The following UTRN variants were observed in gnomAD, a reference collection of about 807,000 sequenced individuals.
UTRN encodes utrophin.
UTRN carries 283 observed loss-of-function variants against 463.9 expected under a neutral mutation model. That is an observed-to-expected ratio of 0.61 (90% CI 0.55 to 0.67). The LOEUF is 0.67. Ranked by LOEUF, UTRN falls within the 30% of genes least tolerant of loss-of-function variation. The pLI is 0.00. For synonymous variants in UTRN, 1,442 were observed against 1,431.5 expected, an observed-to-expected ratio of 1.01 and a Z score of -0.17; for missense variants, 3,922 against 4,084.3, an observed-to-expected ratio of 0.96 and a Z score of 1.08.
chr6:144,808,715 A>G (rs949367026), intron 65 of UTRN, among the ~76,000 whole-genome samples: 1 of 151,340 alleles, frequency 6.6e-6, no homozygotes, highest in African/African-American at 2.4e-5. Flanking sequence ...ACTCTGTGCT[A>G]CTATGAGCTT....
intron 33 of UTRN, among the ~76,000 whole-genome samples, chr6:144,497,319 G>A (rs549921131): frequency 6.6e-6 from 1 of 151,964 alleles, no homozygotes; most frequent in Non-Finnish European, 1.5e-5. Flanking sequence ...AGAGATGAAG[G>A]ATGACCCCTG....
chr6:144,632,301 T>C (rs1776610790), intron 51 of UTRN, among the ~76,000 whole-genome samples: 1 of 152,178 alleles, frequency 6.6e-6, no homozygotes, highest in Non-Finnish European at 1.5e-5. Flanking sequence ...ATTTTATAAA[T>C]ATACTGACAC....
At chr6:144,572,260 C>T (rs1466628360) in intron 50 of UTRN, among the ~76,000 whole-genome samples, 2 of 151,772 alleles carry the variant, frequency 1.3e-5, no homozygotes, top group African/African-American at 2.4e-5. Context: ...CTTTTTTATG[C>T]TTCTCATATC....
intron 69 of UTRN, 136 bp from the exon 70 acceptor site, chr6:144,835,644 G>C (rs9403616): frequency 0.12 from 125,759 of 1,050,982 alleles, 11,347 homozygotes; most frequent in East Asian, 0.48. Flanking sequence ...TTAAAAGGGA[G>C]GTCATGGAGA....
In UTRN at chr6:144,499,403, G is replaced by C. The variant is rs147417280; in HGVS notation, c.4740G>C (p.Leu1580Phe). 1.2e-6 allele frequency: 2 copies of C among 1,606,478 alleles called. No individual in the cohort carries two copies. The highest frequency in any genetic ancestry group is 2.7e-5 in the African/African-American group (2 of 74,752). The part of the protein sequence containing the change: ...KSTSEGLLGD[L>F]DTEISWAKNV... ...CTTCAGAAGGTCTGCTTGGTGACTT[G>C]GATACAGAAATTTCCTGGGCTAAAG... is the stretch of plus-strand genomic sequence containing the variant. Residue 1580 changes from leucine to phenylalanine, a missense_variant, in exon 34 of 75, where the codon TTG becomes TTC. Leu to Phe is a conservative substitution (Grantham distance 22). Coordinates refer to ENST00000367545, the MANE Select transcript of UTRN (RefSeq NM_007124.3).
At chr6:144,416,097 C>A (rs1190452254) in intron 3 of UTRN, among the ~76,000 whole-genome samples, 1 of 151,420 alleles carries the variant, frequency 6.6e-6, no homozygotes, top group Non-Finnish European at 1.5e-5. Flanking sequence ...TTGTGTGTGG[C>A]CTTTCTCCAG....
chr6:144,576,286 G>T (rs114904578), intron 50 of UTRN, among the ~76,000 whole-genome samples: 1 of 151,998 alleles, frequency 6.6e-6, no homozygotes, highest in East Asian at 1.9e-4. Context: ...TGAAATTATC[G>T]ATACTAATTT....
At chr6:144,398,020 C>T (rs1309249665) in intron 2 of UTRN, 1 of 231,164 alleles carries the variant, frequency 4.3e-6, no homozygotes, top group African/African-American at 2.3e-5. Context: ...TGCCTGCTGT[C>T]TCCTGCTCAC....
intron 46 of UTRN, among the ~76,000 whole-genome samples, chr6:144,548,002 A>G (rs1030382204): frequency 1.3e-5 from 2 of 152,202 alleles, no homozygotes; most frequent in Non-Finnish European, 2.9e-5. Context: ...TACTTATTGT[A>G]TCAAAACCAA....
chr6:144,754,074 C>G (rs572602090), intron 56 of UTRN, among the ~76,000 whole-genome samples: 1 of 151,976 alleles, frequency 6.6e-6, no homozygotes, highest in African/African-American at 2.4e-5. Flanking sequence ...ATCCTTCTAA[C>G]TATCCACTAT....
intron 2 of UTRN, among the ~76,000 whole-genome samples, chr6:144,362,717 C>T (rs1010302413): frequency 3.3e-5 from 5 of 152,080 alleles, no homozygotes; most frequent in East Asian, 1.9e-4. Context: ...TTTAGAAATA[C>T]GGTAGAGAAG....
intron 30 of UTRN, 114 bp from the exon 31 acceptor site, chr6:144,489,957 T>C: frequency 7.0e-7 from 1 of 1,426,022 alleles, no homozygotes; most frequent in East Asian, 2.5e-5. Context: ...AGGTCAACAT[T>C]ATGTAAAATA....
chr6:144,294,060 A>C (rs1316321960), intron 2 of UTRN, among the ~76,000 whole-genome samples: 3 of 151,806 alleles, frequency 2.0e-5, no homozygotes, highest in African/African-American at 7.3e-5. Flanking sequence ...TGAGATTATT[A>C]CTTTTTTTTT....
At chr6:144,827,877 A>T (rs1166696721) in intron 68 of UTRN, among the ~76,000 whole-genome samples, 2 of 152,306 alleles carry the variant, frequency 1.3e-5, no homozygotes, top group South Asian at 4.1e-4. Context: ...ATATTCTATG[A>T]AAAGTAAACC....
At chr6:144,341,354 G>A (rs1349667687) in intron 2 of UTRN, among the ~76,000 whole-genome samples, 7 of 151,988 alleles carry the variant, frequency 4.6e-5, no homozygotes, top group Admixed American at 4.6e-4. Context: ...GTTTAGTTTT[G>A]GGGGGATCAA....
intron 61 of UTRN, among the ~76,000 whole-genome samples, chr6:144,785,087 T>C (rs557786623): frequency 1.4e-5 from 2 of 142,422 alleles, no homozygotes; most frequent in South Asian, 4.1e-4. Context: ...TATTAACTCT[T>C]TTCAACCAAT....
At chr6:144,378,279 G>T (rs1294298619) in intron 2 of UTRN, among the ~76,000 whole-genome samples, 2 of 152,168 alleles carry the variant, frequency 1.3e-5, no homozygotes, top group Non-Finnish European at 1.5e-5. Flanking sequence ...TCTGTGTTTA[G>T]ACTTAATAAA....
At chr6:144,438,419 T>G (rs1410076111) in intron 11 of UTRN, among the ~76,000 whole-genome samples, 2 of 152,270 alleles carry the variant, frequency 1.3e-5, no homozygotes, top group Non-Finnish European at 2.9e-5. Flanking sequence ...GTTTATTTTA[T>G]TTCATGTATT....
intron 2 of UTRN, among the ~76,000 whole-genome samples, chr6:144,381,397 C>T (rs752185279): frequency 6.6e-6 from 1 of 152,100 alleles, no homozygotes; most frequent in Non-Finnish European, 1.5e-5. Context: ...GTGTATATGC[C>T]ACATTTTCTT....
Sources: allele counts gnomAD v4.1 joint callset (sites outside exome capture counted in the v4.1 genomes callset), GRCh38; gene constraint gnomAD v4.1.1; transcripts MANE v1.5; gene names NCBI Gene and HGNC (gene_info 2026-07-23, HGNC 2026-07-21).